Variants in ANK2 observed in about 807,000 individuals in gnomAD.
ANK2 encodes ankyrin 2.
A neutral mutation model predicts 360.5 loss-of-function variants in ANK2; 83 were observed. That is an observed-to-expected ratio of 0.23 (90% confidence interval 0.19 to 0.28). The LOEUF (loss-of-function observed/expected upper bound fraction) is 0.28. ANK2 is among the 10% of genes least tolerant of loss of function. ANK2 has a pLI of 1.00. For synonymous variants in ANK2, 1,740 were observed against 1,759.5 expected, an observed-to-expected ratio of 0.99 and a Z score of 0.28; for missense variants, 4,201 against 4,795.7, an observed-to-expected ratio of 0.88 and a Z score of 3.66.
the ANK2 span, among the ~76,000 whole-genome samples, chr4:112,778,318 C>T: frequency 6.6e-6 from 1 of 151,500 alleles, no homozygotes; most frequent in Non-Finnish European, 1.5e-5. Context: ...ATTATGGGAG[C>T]CCACCACCAC....
the ANK2 span, among the ~76,000 whole-genome samples, chr4:112,786,945 C>T: frequency 1.3e-5 from 2 of 151,788 alleles, no homozygotes; most frequent in African/African-American, 2.4e-5. Context: ...GATGGGGATT[C>T]GCCATGTTGG....
At chr4:113,376,910 T>C (rs2096963820) in intron 45 of ANK2, among the ~76,000 whole-genome samples, 1 of 150,744 alleles carries the variant, frequency 6.6e-6, no homozygotes, top group Non-Finnish European at 1.5e-5. Flanking sequence ...CCTCCACATA[T>C]TGTCCCACTG....
intron 2 of ANK2, among the ~76,000 whole-genome samples, chr4:112,948,148 G>T (rs993956223): frequency 6.6e-6 from 1 of 152,142 alleles, no homozygotes; most frequent in Non-Finnish European, 1.5e-5. Flanking sequence ...TTTGTAGGTT[G>T]TGGGTAATTT....
the ANK2 span, among the ~76,000 whole-genome samples, chr4:112,801,537 C>A: frequency 8.6e-5 from 13 of 152,034 alleles, no homozygotes; most frequent in African/African-American, 3.1e-4. Flanking sequence ...CAAAAAGAGA[C>A]CCCTAACTTA....
At chr4:112,869,295 T>A (rs1025873528) in intron 1 of ANK2, among the ~76,000 whole-genome samples, 5 of 151,868 alleles carry the variant, frequency 3.3e-5, no homozygotes, top group African/African-American at 1.2e-4. Flanking sequence ...TTCTTTCTTT[T>A]TTGACAGGAT....
At chr4:113,006,994 T>C (rs776580236) in intron 2 of ANK2, among the ~76,000 whole-genome samples, 2 of 152,204 alleles carry the variant, frequency 1.3e-5, no homozygotes, top group Non-Finnish European at 2.9e-5. Context: ...TTATCGTCTA[T>C]TTTGGAACCA....
intron 1 of ANK2, among the ~76,000 whole-genome samples, chr4:112,883,328 C>T (rs756976070): frequency 2.2e-4 from 34 of 151,940 alleles, no homozygotes; most frequent in Admixed American, 2.1e-3. Flanking sequence ...CATGAGCCAC[C>T]GCACCCGGCC....
rs529198333 is a variant in ANK2 at position 112,893,868 on chromosome 4, G to A, written c.-39-10587G>A. Among the ~76,000 whole-genome samples the A allele has an allele frequency of 1.6e-4, 25 of 152,250 alleles. No homozygotes were observed. The East Asian group carries it at 4.6e-3, about 28-fold the overall frequency. The stretch of plus-strand genomic sequence containing the variant: ...AAAAGTTTGCCCAGCATGGCGGCAT[G>A]CACCTGTAGTCCCAGCTACTGGGGA... On this transcript the variant is annotated intron_variant, in intron 1 of 30. Transcript: ENST00000503271.
At chr4:113,014,931 TCA>T (rs2154294232) in intron 2 of ANK2, among the ~76,000 whole-genome samples, 1 of 140,552 alleles carries the variant, frequency 7.1e-6, no homozygotes, top group African/African-American at 2.6e-5. Flanking sequence ...CGATCTCGGC[TCA>T]CTGCAAGCTC....
chr4:112,815,293 C>G (rs2055553362), upstream of ANK2, among the ~76,000 whole-genome samples: 1 of 152,044 alleles, frequency 6.6e-6, no homozygotes, highest in South Asian at 2.1e-4. Flanking sequence ...GATTATAAAC[C>G]CATCGAATAT....
intron 11 of ANK2, among the ~76,000 whole-genome samples, chr4:113,256,230 G>A (rs984510456): frequency 6.6e-6 from 1 of 152,130 alleles, no homozygotes; most frequent in Admixed American, 6.6e-5. Flanking sequence ...GAAAATAGAA[G>A]TTGAAAAATA....
intron 32 of ANK2, among the ~76,000 whole-genome samples, 183 bp downstream of exon 32, chr4:113,339,505 T>G (rs2093998802): frequency 6.6e-6 from 1 of 152,250 alleles, no homozygotes; most frequent in Non-Finnish European, 1.5e-5. Context: ...GATAATACAG[T>G]AACAAAGTAT....
chr4:112,740,692 A>T, the ANK2 span, among the ~76,000 whole-genome samples: 2 of 150,924 alleles, frequency 1.3e-5, no homozygotes, highest in Non-Finnish European at 2.9e-5. Context: ...ACAGAGCAAG[A>T]CTCCATCTCA....
intron 1 of ANK2, among the ~76,000 whole-genome samples, chr4:112,889,014 G>A (rs2079175130): frequency 6.6e-6 from 1 of 152,146 alleles, no homozygotes; most frequent in Non-Finnish European, 1.5e-5. Flanking sequence ...GGTTGCCTTA[G>A]ACTGTATACA....
intron 42 of ANK2, among the ~76,000 whole-genome samples, chr4:113,368,959 A>G (rs752390000): frequency 1.2e-4 from 18 of 152,218 alleles, no homozygotes; most frequent in Non-Finnish European, 1.8e-4. Context: ...GAGGTTATCA[A>G]AGTTACATTG....
intron 1 of ANK2, among the ~76,000 whole-genome samples, chr4:113,171,534 G>A (rs1427178290): frequency 1.3e-5 from 2 of 151,934 alleles, no homozygotes; most frequent in African/African-American, 4.8e-5. Context: ...CTCACTTTGG[G>A]GGAAACCAAA....
the ANK2 span, among the ~76,000 whole-genome samples, chr4:112,784,396 C>G: frequency 2.2e-5 from 3 of 134,934 alleles, no homozygotes; most frequent in Admixed American, 8.6e-5. Flanking sequence ...CTAGCTCTGT[C>G]GCCCAGGCCG....
chr4:112,807,668 G>C, the ANK2 span, among the ~76,000 whole-genome samples: 1 of 152,196 alleles, frequency 6.6e-6, no homozygotes, highest in African/African-American at 2.4e-5. Context: ...TTGGGTTTAC[G>C]AAGAGCGAAT....
chr4:113,343,259 C>A, intron 34 of ANK2, 117 bp downstream of exon 34: 5 of 1,177,462 alleles, frequency 4.2e-6, no homozygotes, highest in East Asian at 2.5e-5. Flanking sequence ...TCTTTTTAAC[C>A]ATATTTGTAA....
Sources: allele counts gnomAD v4.1 joint callset (sites outside exome capture counted in the v4.1 genomes callset), GRCh38; gene constraint gnomAD v4.1.1; transcripts MANE v1.5; gene names NCBI Gene and HGNC (gene_info 2026-07-23, HGNC 2026-07-21).